ZNF566: variants seen among roughly 807,000 people sequenced by gnomAD.
ZNF566 encodes zinc finger protein 566.
Under a neutral mutation model 32.8 loss-of-function variants are expected in ZNF566, and 27 were observed. The ratio of observed to expected loss-of-function variants is 0.82; its 90% CI spans 0.61 to 1.14. The LOEUF is 1.14. Ranked by LOEUF, ZNF566 falls within the 50% of genes most tolerant of loss-of-function variation. The pLI is 0.00. For missense variants in ZNF566, 402 were observed against 490.4 expected (o/e 0.82, Z 1.70); for synonymous variants, 154 against 159.5 (o/e 0.97, Z 0.26).
chr19:36,452,472 T>C (rs1423685337), intron 4 of ZNF566, among the ~76,000 whole-genome samples: 1 of 151,068 alleles, frequency 6.6e-6, no homozygotes, highest in East Asian at 1.9e-4. Context: ...GTCAAGTGTA[T>C]GACACTAGTA....
intron 4 of ZNF566, among the ~76,000 whole-genome samples, chr19:36,464,494 T>TCTC (rs1469080241): frequency 6.6e-6 from 1 of 151,966 alleles, no homozygotes; most frequent in African/African-American, 2.4e-5. Flanking sequence ...CTGATCTCCA[T>TCTC]CTCATACTAT....
At chr19:36,450,086 A>T in intron 4 of ZNF566, 85 bp from the exon 5 acceptor site, 1 of 1,141,328 alleles carries the variant, frequency 8.8e-7, no homozygotes, top group Non-Finnish European at 1.2e-6. Context: ...AATTTAACCG[A>T]ATTTTTTTTA....
chr19:36,487,897 CAAAAAAAAAAAAAA>C (rs201784748), intron 1 of ZNF566, among the ~76,000 whole-genome samples: 28,488 of 76,668 alleles, frequency 0.37, 3,246 homozygotes, highest in Middle Eastern at 0.44. Flanking sequence ...GACTCTGTCT[CAAAAAAAAAAAAAA>C]AAAAAAAAAA....
At chr19:36,478,406 C>T (rs2033948410) in intron 1 of ZNF566, among the ~76,000 whole-genome samples, 2 of 152,182 alleles carry the variant, frequency 1.3e-5, no homozygotes, top group Non-Finnish European at 2.9e-5. Context: ...TTTCTGGTCT[C>T]TCCTCCTGGC....
intron 2 of ZNF566, among the ~76,000 whole-genome samples, chr19:36,475,940 A>G (rs2033873174): frequency 1.3e-5 from 2 of 152,224 alleles, no homozygotes; most frequent in South Asian, 4.1e-4. Flanking sequence ...ATGGACATTA[A>G]TCTAAATTAA....
chr19:36,455,661 A>G (rs1194266132), intron 4 of ZNF566, among the ~76,000 whole-genome samples: 1 of 151,910 alleles, frequency 6.6e-6, no homozygotes, highest in Non-Finnish European at 1.5e-5. Context: ...AATCGCTTGA[A>G]CCCAGGAGAT....
intron 4 of ZNF566, among the ~76,000 whole-genome samples, chr19:36,452,640 G>A (rs561834625): frequency 1.1e-4 from 17 of 151,228 alleles, no homozygotes; most frequent in South Asian, 2.1e-4. Flanking sequence ...AACAAAAGAC[G>A]TGAGAGGAAA....
chr19:36,478,954 C>A (rs1186328302), intron 1 of ZNF566, among the ~76,000 whole-genome samples: 2 of 152,200 alleles, frequency 1.3e-5, no homozygotes, highest in Admixed American at 6.5e-5. Context: ...ATGCTGTCCC[C>A]ATGGGAGCTG....
chr19:36,448,679 A>G lies in ZNF566; in HGVS notation c.*298T>C. The stretch of plus-strand genomic sequence containing the variant: ...TTTCTACAAAAATTCTCTGACGTTA[A>G]GAAGGTTAGAAAGGTGTTAAAAGTG... On this transcript the variant is annotated 3_prime_UTR_variant, in exon 5 of 5. Coordinates refer to ENST00000452939, the MANE Select transcript of ZNF566 (RefSeq NM_001145344.1). 4.5e-6 allele frequency: 1 copy of G among 220,546 alleles called. No homozygotes were observed. Among genetic ancestry groups the G allele is most frequent in the Non-Finnish European group, 8.8e-6 (1 of 113,432 alleles). The allele number at this position is 220,546 out of a possible 1,614,324, so 13.7% of individuals were successfully genotyped here.
chr19:36,468,574 C>A (rs906372138), intron 4 of ZNF566, among the ~76,000 whole-genome samples: 1 of 151,728 alleles, frequency 6.6e-6, no homozygotes, highest in Non-Finnish European at 1.5e-5. Context: ...CCATTTCACT[C>A]CAGCCTGGGC....
At chr19:36,469,410 G>T (rs969199535) in intron 4 of ZNF566, among the ~76,000 whole-genome samples, 6 of 152,002 alleles carry the variant, frequency 3.9e-5, no homozygotes, top group Non-Finnish European at 8.8e-5. Flanking sequence ...CATGGTGGCG[G>T]GTGCCTGTAA....
intron 4 of ZNF566, among the ~76,000 whole-genome samples, chr19:36,451,912 C>A (rs2145636322): frequency 6.6e-6 from 1 of 152,138 alleles, no homozygotes; most frequent in East Asian, 1.9e-4. Flanking sequence ...GAGGCTGAGG[C>A]AGAAGAATTG....
intron 1 of ZNF566, among the ~76,000 whole-genome samples, chr19:36,477,541 G>GTTTTT (rs1279567264): frequency 2.4e-5 from 2 of 82,980 alleles, no homozygotes; most frequent in South Asian, 5.4e-4. Context: ...TTTTTTGTTT[G>GTTTTT]TTTGTTTGTT....
chr19:36,482,581 T>C (rs1341555276), intron 1 of ZNF566, among the ~76,000 whole-genome samples: 1 of 152,076 alleles, frequency 6.6e-6, no homozygotes, highest in African/African-American at 2.4e-5. Flanking sequence ...GTTTGTTTAC[T>C]ATATACTATA....
Position 36,470,983 on chromosome 19 carries a change from T to C in ZNF566, c.232+1928A>G, listed in dbSNP as rs1382099108. On this transcript the variant is annotated intron_variant, in intron 4 of 4. Transcript: ENST00000452939. ...CAGCACTTTGGGAGGCCAAGGCAGGTGGATCACAAGGTCAGGAGATTGAGA... is the reference window on the plus strand; with the variant it reads ...CAGCACTTTGGGAGGCCAAGGCAGGCGGATCACAAGGTCAGGAGATTGAGA... Among the ~76,000 whole-genome samples, 7 of 150,830 alleles carry C rather than the reference T, an allele frequency of 4.6e-5. No individual in the cohort carries two copies. The East Asian group carries it at 1.2e-3, about 25-fold the overall frequency.
rs769654049 is a variant in ZNF566, at chr19:36,449,358, AAAG to A, written c.873_875del (p.Phe292del). On this transcript the variant is annotated inframe_deletion, in exon 5 of 5. Transcript: ENST00000452939. Reference sequence around the variant, plus strand: ...GTTGAGTAAAGTTTGAGCCACTACTAAAGGCCTTCCCGCATTCTTTGCATTCAT... The same window carrying A: ...GTTGAGTAAAGTTTGAGCCACTACTAGCCTTCCCGCATTCTTTGCATTCAT... 2 of 1,614,064 alleles carry A rather than the reference AAAG, an allele frequency of 1.2e-6. No individual in the cohort carries two copies. The highest frequency in any genetic ancestry group is 2.7e-5 in the African/African-American group (2 of 74,934).
At chr19:36,473,528 GA>G (rs1356794208) in intron 2 of ZNF566, 70 bp from the exon 3 acceptor site, 3 of 1,427,770 alleles carry the variant, frequency 2.1e-6, no homozygotes, top group Non-Finnish European at 2.8e-6. Context: ...AAAGAGAGAA[GA>G]AAAAGATTAA....
In ZNF566 at chr19:36,455,550, G is replaced by A. The variant is rs368844872; in HGVS notation, c.233-5549C>T. Reference sequence around the variant, plus strand: ...TGAGGTCAGGAGTTTGAGACCAGCCGGGCCAACATGGCAACATCCCGTCTC... The same window carrying A: ...TGAGGTCAGGAGTTTGAGACCAGCCAGGCCAACATGGCAACATCCCGTCTC... On this transcript the variant is annotated intron_variant, in intron 4 of 4. Transcript: ENST00000452939. Among the ~76,000 whole-genome samples the A allele has an allele frequency of 1.8e-4, 28 of 151,832 alleles. No individual in the cohort carries two copies. In the South Asian group the frequency reaches 4.8e-3, roughly 26 times the overall value.
chr19:36,485,411 C>T (rs2034136010), intron 1 of ZNF566, among the ~76,000 whole-genome samples: 1 of 146,868 alleles, frequency 6.8e-6, no homozygotes, highest in Non-Finnish European at 1.5e-5. Context: ...ACTGCATTTG[C>T]ACTCCAGCCT....
Sources: gnomAD v4.1 joint callset for allele counts (sites outside exome capture counted in the v4.1 genomes callset) on GRCh38, gnomAD v4.1.1 for gene constraint, MANE v1.5 for transcripts, NCBI Gene and HGNC (gene_info 2026-07-23, HGNC 2026-07-21) for gene names.